The following DPF3 variants were observed in gnomAD, a reference collection of about 807,000 sequenced individuals.
DPF3 encodes the protein double PHD fingers 3.
A neutral mutation model predicts 56.8 loss-of-function variants in DPF3; 18 were observed. The ratio of observed to expected loss-of-function variants is 0.32; its 90% CI spans 0.22 to 0.47. The LOEUF (loss-of-function observed/expected upper bound fraction) is 0.47. DPF3 is among the 20% of genes least tolerant of loss of function. The pLI is 1.00. For missense variants in DPF3, 403 were observed against 488.8 expected, an observed-to-expected ratio of 0.82 and a Z score of 1.65; for synonymous variants, 188 against 180.2, an observed-to-expected ratio of 1.04 and a Z score of -0.35.
chr14:72,661,854 CTTTTTT>C (rs60114618), intron 8 of DPF3: 29,328 of 886,530 alleles, frequency 0.033, 2 homozygotes, highest in Middle Eastern at 0.081. Context: ...TTTATTTTTG[CTTTTTT>C]TTTTTTTTTT....
chr14:72,773,554 A>G (rs897734225), intron 1 of DPF3, among the ~76,000 whole-genome samples: 8 of 152,204 alleles, frequency 5.3e-5, no homozygotes, highest in Non-Finnish European at 7.3e-5. Context: ...CACCACTACT[A>G]TCCATTCCCA....
At chr14:72,798,474 C>A (rs561647241) in intron 1 of DPF3, among the ~76,000 whole-genome samples, 2 of 152,178 alleles carry the variant, frequency 1.3e-5, no homozygotes, top group East Asian at 3.9e-4. Context: ...TTAAAATTAT[C>A]CTTGATAGTG....
chr14:72,791,145 C>T lies in DPF3; in HGVS notation c.33-19252G>A, dbSNP rs74586795. Among the ~76,000 whole-genome samples the T allele has an allele frequency of 9.7e-3, 1,473 of 152,326 alleles. 28 individuals are homozygous for T. The highest frequency in any genetic ancestry group is 0.034 in the African/African-American group (1,400 of 41,576). ...CCTTCCCCACTCCCCCGACCTAGCC[C>T]TAGGCTGCTGCACTAGCCCCCCACC... is the stretch of plus-strand genomic sequence containing the variant. On this transcript the variant is annotated intron_variant, in intron 1 of 10. Transcript: ENST00000556509.
At chr14:72,714,187 T>G (rs1030326303) in intron 6 of DPF3, among the ~76,000 whole-genome samples, 1 of 152,122 alleles carries the variant, frequency 6.6e-6, no homozygotes, top group Non-Finnish European at 1.5e-5. Flanking sequence ...GGTGCAGAAC[T>G]GAGGGTGGGG....
intron 1 of DPF3, among the ~76,000 whole-genome samples, chr14:72,800,419 TGGAC>T (rs1199028887): frequency 5.0e-5 from 7 of 139,584 alleles, no homozygotes; most frequent in Admixed American, 2.2e-4. Flanking sequence ...GATGGATGGA[TGGAC>T]GGACACATGG....
intron 8 of DPF3, chr14:72,670,891 C>A (rs1180267416): frequency 8.0e-7 from 1 of 1,247,194 alleles, no homozygotes; most frequent in East Asian, 4.4e-5. Flanking sequence ...ACGATGCCAT[C>A]TCTCGGAAGA....
At chr14:72,744,544 C>T (rs534251771) in intron 3 of DPF3, among the ~76,000 whole-genome samples, 6 of 152,240 alleles carry the variant, frequency 3.9e-5, no homozygotes, top group South Asian at 4.2e-4. Context: ...CAAAGTGCTT[C>T]GGGGGACTGA....
At chr14:72,739,534 T>G (rs1263032736) in intron 3 of DPF3, among the ~76,000 whole-genome samples, 1 of 152,210 alleles carries the variant, frequency 6.6e-6, no homozygotes. Flanking sequence ...ACCCTCACCT[T>G]TCTGACACTC....
At chr14:72,859,427 C>T (rs1041350685) in intron 1 of DPF3, among the ~76,000 whole-genome samples, 12 of 150,820 alleles carry the variant, frequency 8.0e-5, no homozygotes, top group Non-Finnish European at 1.0e-4. Flanking sequence ...TCTTCTTTGA[C>T]TATCTATCAC....
chr14:72,659,431 G>T (rs1040130272), intron 8 of DPF3, among the ~76,000 whole-genome samples: 1 of 152,108 alleles, frequency 6.6e-6, no homozygotes, highest in Non-Finnish European at 1.5e-5. Context: ...TATCAGACAC[G>T]TGAAAAAGTC....
At chr14:72,859,475 C>T (rs540788230) in intron 1 of DPF3, among the ~76,000 whole-genome samples, 9 of 107,242 alleles carry the variant, frequency 8.4e-5, no homozygotes, top group East Asian at 4.1e-4. Flanking sequence ...TTCCTCCCCC[C>T]CCCCCCCCAC....
chr14:72,661,320 G>A (rs1886201963), intron 8 of DPF3: 3 of 985,414 alleles, frequency 3.0e-6, no homozygotes, highest in Non-Finnish European at 3.6e-6. Context: ...AGGACTGGCA[G>A]GAAGTCGGTG....
rs550955178 is a variant in DPF3 at position 72,680,444 on chromosome 14, G to A, written c.743-6076C>T. Among the ~76,000 whole-genome samples, 15 of 152,350 alleles carry A rather than the reference G, an allele frequency of 9.8e-5. No individual in the cohort carries two copies. In the East Asian group the frequency reaches 2.1e-3, roughly 22 times the overall value. On this transcript the variant is annotated intron_variant, in intron 7 of 10. Transcript: ENST00000556509. ...GGGGCAGGGGGCCTGGAAGCCTGGCGGGGAAGCAGACAGTAGGGCCCGCTC... is the reference window on the plus strand; with the variant it reads ...GGGGCAGGGGGCCTGGAAGCCTGGCAGGGAAGCAGACAGTAGGGCCCGCTC...
intron 8 of DPF3, among the ~76,000 whole-genome samples, chr14:72,634,852 G>A (rs1248141416): frequency 6.6e-6 from 1 of 152,080 alleles, no homozygotes; most frequent in African/African-American, 2.4e-5. Context: ...CCCCCTGGGT[G>A]CCATGATTCA....
At chr14:72,879,695 G>T in intron 1 of DPF3, 2 of 1,351,986 alleles carry the variant, frequency 1.5e-6, no homozygotes, top group South Asian at 3.1e-5. Flanking sequence ...CAAGCAGTTT[G>T]CTCAGACACC....
chr14:72,764,859 T>C lies in DPF3; in HGVS notation c.193+6874A>G, dbSNP rs77625754. ...CATGGAAACCTCCATTTATAGCCCA[T>C]AGGTCAGAAGCACAGCTGACAACCT... On this transcript the variant is annotated intron_variant, in intron 2 of 10. Coordinates refer to ENST00000556509, the MANE Select transcript of DPF3 (RefSeq NM_001280542.3). Among the ~76,000 whole-genome samples, 323 of 152,308 alleles carry C rather than the reference T, an allele frequency of 2.1e-3. 3 individuals are homozygous for C. The highest frequency in any genetic ancestry group is 0.02 in the East Asian group (101 of 5,178).
chr14:72,715,146 C>A (rs1888859500), intron 5 of DPF3, among the ~76,000 whole-genome samples: 1 of 152,242 alleles, frequency 6.6e-6, no homozygotes, highest in Admixed American at 6.5e-5. Flanking sequence ...TAAGGCCTCC[C>A]TGTGTGGTCT....
At position 72,616,777 on chromosome 14, in the gene DPF3, C is replaced by CA. The variant is rs1182970638; in HGVS notation, c.*2519dup. Among the ~76,000 whole-genome samples, 133 of 151,596 alleles carry CA rather than the reference C, an allele frequency of 8.8e-4. No homozygotes were observed. Among genetic ancestry groups the CA allele is most frequent in the South Asian group, 4.2e-3 (20 of 4,780 alleles). ...TGATTCTATCTCATTCTCTGGGGTT[C>CA]AAAAAAAAGAGACCAATTTAAAGTT... is the stretch of plus-strand genomic sequence containing the variant. On this transcript the variant is annotated 3_prime_UTR_variant, in exon 11 of 11. Coordinates refer to ENST00000556509, the MANE Select transcript of DPF3 (RefSeq NM_001280542.3).
At chr14:72,879,869 A>T in intron 1 of DPF3, 1 of 1,535,322 alleles carries the variant, frequency 6.5e-7, no homozygotes, top group Non-Finnish European at 8.7e-7. Context: ...ACCCCATAAA[A>T]CCATAGGCAG....
Sources: allele counts gnomAD v4.1 joint callset (sites outside exome capture counted in the v4.1 genomes callset), GRCh38; gene constraint gnomAD v4.1.1; transcripts MANE v1.5; gene names NCBI Gene and HGNC (gene_info 2026-07-23, HGNC 2026-07-21).